The following XPR1 variants were observed in gnomAD, a reference collection of about 807,000 sequenced individuals.
XPR1 encodes xenotropic and polytropic retrovirus receptor 1, also known as solute carrier family 53 member 1.
Under a neutral mutation model 87.5 loss-of-function variants are expected in XPR1, and 28 were observed. The ratio of observed to expected loss-of-function variants is 0.32; its 90% CI spans 0.24 to 0.44. The LOEUF is 0.44. XPR1 is among the 20% of genes least tolerant of loss of function. The pLI is 1.00. For missense variants in XPR1, 559 were observed against 862.3 expected (o/e 0.65, Z 4.41); for synonymous variants, 300 against 306.1 (o/e 0.98, Z 0.21).
chr1:180,820,772 A>C (rs1650599690), intron 7 of XPR1, among the ~76,000 whole-genome samples: 1 of 152,150 alleles, frequency 6.6e-6, no homozygotes, highest in Non-Finnish European at 1.5e-5. Context: ...AATGGGCGTG[A>C]AGTGGTATCT....
chr1:180,793,940 T>C (rs1031029189), intron 3 of XPR1, among the ~76,000 whole-genome samples: 2 of 152,162 alleles, frequency 1.3e-5, no homozygotes, highest in Non-Finnish European at 2.9e-5. Flanking sequence ...GGAATGTCTA[T>C]GGTCATGAGT....
intron 6 of XPR1, among the ~76,000 whole-genome samples, 193 bp from the exon 7 acceptor site, chr1:180,811,214 G>A (rs1187250328): frequency 6.6e-6 from 1 of 151,990 alleles, no homozygotes; most frequent in Non-Finnish European, 1.5e-5. Context: ...AAAAAAGCTT[G>A]ATTAATTGGC....
At chr1:180,876,513 G>A (rs1172219242) in intron 13 of XPR1, among the ~76,000 whole-genome samples, 2 of 152,100 alleles carry the variant, frequency 1.3e-5, no homozygotes, top group Admixed American at 1.3e-4. Context: ...GCGCATGCCT[G>A]TAGTCCCAGC....
intron 2 of XPR1, among the ~76,000 whole-genome samples, chr1:180,772,933 C>T (rs747486603): frequency 1.3e-5 from 2 of 152,138 alleles, no homozygotes; most frequent in Non-Finnish European, 2.9e-5. Flanking sequence ...ATATTAACAA[C>T]CATGAGTTCA....
At chr1:180,777,858 A>G (rs1648783327) in intron 2 of XPR1, among the ~76,000 whole-genome samples, 1 of 152,228 alleles carries the variant, frequency 6.6e-6, no homozygotes, top group African/African-American at 2.4e-5. Context: ...AGGAGAAACT[A>G]AGAAATCATA....
intron 7 of XPR1, among the ~76,000 whole-genome samples, chr1:180,816,383 T>A (rs920766690): frequency 3.3e-5 from 5 of 152,174 alleles, no homozygotes; most frequent in Non-Finnish European, 7.4e-5. Flanking sequence ...CACCAGCCGC[T>A]CACCTCCTGC....
chr1:180,745,050 G>T (rs989907496), intron 2 of XPR1, among the ~76,000 whole-genome samples: 18 of 152,192 alleles, frequency 1.2e-4, no homozygotes, highest in African/African-American at 4.3e-4. Context: ...TGTCCTATAA[G>T]ATATGCTATT....
chr1:180,828,280 A>G (rs1190740882), intron 9 of XPR1, among the ~76,000 whole-genome samples: 1 of 152,194 alleles, frequency 6.6e-6, no homozygotes, highest in Non-Finnish European at 1.5e-5. Context: ...GATATATGCT[A>G]TGCTCCTAAA....
intron 1 of XPR1, among the ~76,000 whole-genome samples, chr1:180,652,385 T>G (rs886126256): frequency 1.3e-5 from 2 of 152,168 alleles, no homozygotes; most frequent in Non-Finnish European, 2.9e-5. Context: ...CTATATAGAT[T>G]TAATTTTTAG....
At chr1:180,866,036 A>G (rs1432281054) in intron 12 of XPR1, among the ~76,000 whole-genome samples, 1 of 151,906 alleles carries the variant, frequency 6.6e-6, no homozygotes, top group African/African-American at 2.4e-5. Context: ...TGAGACACTG[A>G]CTCTACTAAA....
chr1:180,807,339 A>G (rs1650037124), intron 6 of XPR1, among the ~76,000 whole-genome samples: 1 of 152,264 alleles, frequency 6.6e-6, no homozygotes, highest in South Asian at 2.1e-4. Flanking sequence ...AATAGCTACT[A>G]TAACTAACAA....
chr1:180,863,881 A>C lies in XPR1; in HGVS notation c.1668+7A>C. 6.3e-7 allele frequency: 1 copy of C among 1,576,648 alleles called. No homozygotes were observed. The highest frequency in any genetic ancestry group is 8.6e-7 in the Non-Finnish European group (1 of 1,165,322). ...GATTGTATACCCCCAAAAAGTATGT[A>C]TAAAGAGTGTGTTTGTTTAAAAGAA... is the stretch of plus-strand genomic sequence containing the variant. On this transcript the variant is annotated splice_region_variant and intron_variant, in intron 12 of 14. Transcript: ENST00000367590.
At chr1:180,779,900 AT>A (rs1261195165) in intron 2 of XPR1, among the ~76,000 whole-genome samples, 2 of 152,040 alleles carry the variant, frequency 1.3e-5, no homozygotes, top group African/African-American at 4.8e-5. Flanking sequence ...TATTCTGGAC[AT>A]TTCATATAAA....
chr1:180,727,096 C>G (rs556010014), intron 2 of XPR1, among the ~76,000 whole-genome samples: 1 of 152,036 alleles, frequency 6.6e-6, no homozygotes, highest in Non-Finnish European at 1.5e-5. Flanking sequence ...ATCTCCTGAC[C>G]TCGTGATCTG....
chr1:180,727,831 C>G (rs1034296787), intron 2 of XPR1, among the ~76,000 whole-genome samples: 4 of 152,172 alleles, frequency 2.6e-5, no homozygotes, highest in Admixed American at 6.5e-5. Context: ...AAGGTAACTT[C>G]TTGATGTTTC....
At chr1:180,798,493 C>T (rs981298782) in intron 3 of XPR1, among the ~76,000 whole-genome samples, 21 of 152,092 alleles carry the variant, frequency 1.4e-4, no homozygotes, top group African/African-American at 4.6e-4. Flanking sequence ...TCCCAAGACC[C>T]GTTCCATATT....
intron 11 of XPR1, 58 bp downstream of exon 11, chr1:180,836,774 T>C: frequency 6.4e-7 from 1 of 1,571,904 alleles, no homozygotes; most frequent in Non-Finnish European, 8.7e-7. Context: ...ACTACCTGAC[T>C]CTATTTCTTA....
In XPR1 at chr1:180,887,328, A is replaced by T. The variant is rs1366638359; in HGVS notation, c.*3262A>T. The stretch of plus-strand genomic sequence containing the variant: ...TATCAATTAAAATAGTCCTCAAAGG[A>T]ATGAAGAGGAAGTCTAAATAAATGA... On this transcript the variant is annotated 3_prime_UTR_variant, in exon 15 of 15. Coordinates refer to ENST00000367590, the MANE Select transcript of XPR1 (RefSeq NM_004736.4). 2.6e-5 allele frequency: 4 copies of T among 152,368 alleles called. No homozygotes were observed. In the East Asian group the frequency reaches 7.7e-4, roughly 29 times the overall value. The allele number at this position is 152,368 out of a possible 1,614,324, so 9.4% of individuals were successfully genotyped here.
chr1:180,721,743 C>G (rs1249694671), intron 2 of XPR1, among the ~76,000 whole-genome samples: 1 of 152,144 alleles, frequency 6.6e-6, no homozygotes, highest in Admixed American at 6.5e-5. Context: ...TCAGCATATT[C>G]AATGTGAAGT....
Sources: allele counts gnomAD v4.1 joint callset (sites outside exome capture counted in the v4.1 genomes callset), GRCh38; gene constraint gnomAD v4.1.1; transcripts MANE v1.5; gene names NCBI Gene and HGNC (gene_info 2026-07-23, HGNC 2026-07-21).